The following PKHD1 variants were observed in gnomAD, a reference collection of about 807,000 sequenced individuals.
PKHD1 encodes the protein fibrocystin.
A neutral mutation model predicts 412.0 loss-of-function variants in PKHD1; 291 were observed. The observed-to-expected ratio is 0.71, with a 90% CI of 0.64 to 0.78. The LOEUF (loss-of-function observed/expected upper bound fraction) is 0.78, where lower values mean the gene tolerates loss of function less well. Ranked by LOEUF, PKHD1 falls within the 30% of genes least tolerant of loss-of-function variation. The probability of loss-of-function intolerance (pLI) is 0.00; values close to 1 mark genes in which losing one functional copy is unlikely to be tolerated. For synonymous variants in PKHD1, 1,777 were observed against 1,821.5 expected (o/e 0.98, Z 0.62); for missense variants, 4,825 against 4,950.7 (o/e 0.97, Z 0.76).
At chr6:52,038,650 T>G (rs1393626720) in intron 27 of PKHD1, among the ~76,000 whole-genome samples, 1 of 152,132 alleles carries the variant, frequency 6.6e-6, no homozygotes, top group Admixed American at 6.5e-5. Context: ...TTTTGTTGTT[T>G]AAAACACTCA....
chr6:51,836,610 T>C, intron 50 of PKHD1, 141 bp from the exon 51 acceptor site: 1 of 679,350 alleles, frequency 1.5e-6, no homozygotes, highest in Non-Finnish European at 2.7e-6. Flanking sequence ...CCTTGTTAGT[T>C]AATCTAACAA....
At position 52,053,208 on chromosome 6, in the gene PKHD1, A is replaced by G. The variant is rs1437491526; in HGVS notation, c.2008T>C (p.Cys670Arg). Reference sequence around the variant, plus strand: ...GGAGGGGGCTGGAGATCCCCGAAGCAACGCACACAAGTCTCCCAGAGGTCA... The same window carrying G: ...GGAGGGGGCTGGAGATCCCCGAAGCGACGCACACAAGTCTCCCAGAGGTCA... ...CTDLWETCVR[C>R]FGDLQPPPAN... The change falls in exon 21 of 67, where the codon TGC becomes CGC. Residue 670 changes from cysteine (C) to arginine (R), a missense_variant. Physicochemically the swap from Cys to Arg is radical, Grantham distance 180. Transcript: ENST00000371117. 1 of 1,614,114 alleles carries G rather than the reference A, an allele frequency of 6.2e-7. No individual in the cohort carries two copies. The highest frequency in any genetic ancestry group is 8.5e-7 in the Non-Finnish European group (1 of 1,180,038).
chr6:51,753,144 T>C (rs1786375836), intron 57 of PKHD1, 57 bp downstream of exon 57: 5 of 1,419,970 alleles, frequency 3.5e-6, no homozygotes, highest in Non-Finnish European at 5.0e-6. Context: ...GATTTCTGGG[T>C]GTCCCAGATG....
chr6:51,787,620 T>A (rs1326560), intron 53 of PKHD1, among the ~76,000 whole-genome samples: 89,098 of 151,958 alleles, frequency 0.59, 26,886 homozygotes, highest in East Asian at 0.83. Flanking sequence ...TCCAATAACC[T>A]ACCTTTAGGC....
At chr6:52,043,185 A>G (rs773710690) in intron 26 of PKHD1, 51 bp from the exon 27 acceptor site, 7 of 1,432,570 alleles carry the variant, frequency 4.9e-6, no homozygotes. Flanking sequence ...TCTCAGTGAT[A>G]TTACTTCATT....
chr6:51,888,883 C>T (rs552260251), intron 43 of PKHD1, among the ~76,000 whole-genome samples: 2 of 150,898 alleles, frequency 1.3e-5, no homozygotes, highest in South Asian at 4.4e-4. Flanking sequence ...CCCTATCAGG[C>T]TGCTGCACTG....
At chr6:51,819,153 C>T (rs1351820696) in intron 52 of PKHD1, among the ~76,000 whole-genome samples, 3 of 152,118 alleles carry the variant, frequency 2.0e-5, no homozygotes, top group Admixed American at 2.0e-4. Flanking sequence ...CCTGAATCCT[C>T]AGCATGATAA....
chr6:51,666,648 C>A (rs1385783981), intron 60 of PKHD1, among the ~76,000 whole-genome samples: 1 of 150,862 alleles, frequency 6.6e-6, no homozygotes, highest in Non-Finnish European at 1.5e-5. Flanking sequence ...CACCCACTAA[C>A]TCGTCATCTA....
In PKHD1 at chr6:52,058,411, T is replaced by C. The variant is rs1375148270; in HGVS notation, c.1424A>G (p.Asn475Ser). 3 of 1,614,048 alleles carry C rather than the reference T, an allele frequency of 1.9e-6. No homozygotes were observed. The highest frequency in any genetic ancestry group is 2.5e-6 in the Non-Finnish European group (3 of 1,180,014). Residue 475 changes from asparagine to serine, a missense_variant, in exon 16 of 67, where the codon AAC becomes AGC. Physicochemically the swap from Asn to Ser is conservative, Grantham distance 46. Coordinates refer to ENST00000371117, the MANE Select transcript of PKHD1 (RefSeq NM_138694.4). The stretch of plus-strand genomic sequence containing the variant: ...GACCACATCAGGATTCAGCCAGGTG[T>C]TGTGAATCTGGACACCAATCCTCAT... ...RGMRIGVQIH[N>S]TWLNPDVVTT...
intron 65 of PKHD1, among the ~76,000 whole-genome samples, chr6:51,629,682 G>A (rs147551683): frequency 2.0e-4 from 30 of 152,208 alleles, no homozygotes; most frequent in African/African-American, 7.0e-4. Flanking sequence ...AAATTCATAT[G>A]TGATTTTCCC....
chr6:51,811,147 GA>G (rs1764622821), intron 52 of PKHD1, among the ~76,000 whole-genome samples: 1 of 152,084 alleles, frequency 6.6e-6, no homozygotes, highest in Non-Finnish European at 1.5e-5. Context: ...GGTTCTGAAA[GA>G]GTTTATAATA....
In PKHD1 at chr6:51,934,306, G is replaced by A. The variant is rs1042180147; in HGVS notation, c.5925C>T (p.Phe1975=). ...TGAGCTCGATGGGTCCTGGGGCCAT[G>A]AAAATCAGCTTGCCCCCTAATGGAC... ...LLHIKGGKLI[F]MAPGPIELRA... The change falls in exon 37 of 67, where the codon TTC becomes TTT. Residue 1975 remains phenylalanine (F), a synonymous_variant. Transcript: ENST00000371117. 6.2e-7 allele frequency: 1 copy of A among 1,611,734 alleles called. No individual in the cohort carries two copies. Among genetic ancestry groups the A allele is most frequent in the Non-Finnish European group, 8.5e-7 (1 of 1,179,216 alleles).
In PKHD1 at chr6:52,058,438, C is replaced by A. The variant is rs750730042; in HGVS notation, c.1397G>T (p.Gly466Val). The A allele has an allele frequency of 6.2e-7, 1 of 1,614,046 alleles. No homozygotes were observed. Among genetic ancestry groups the A allele is most frequent in the Admixed American group, 1.7e-5 (1 of 60,006 alleles). ...AEHHGIAPSR[G>V]MRIGVQIHNT... is the part of the protein sequence containing the mutation. ...GTGAATCTGGACACCAATCCTCATC[C>A]CCCTGCTTGGGGCTATCCCATGATG... Residue 466 changes from glycine (G) to valine (V), a missense_variant, in exon 16 of 67, where the codon GGG becomes GTG. Coordinates refer to ENST00000371117, the MANE Select transcript of PKHD1 (RefSeq NM_138694.4).
At chr6:52,054,269 T>C in intron 19 of PKHD1, 104 bp from the exon 20 acceptor site, 1 of 1,094,126 alleles carries the variant, frequency 9.1e-7, no homozygotes, top group South Asian at 1.3e-5. Flanking sequence ...CCATAGGCTC[T>C]GAGAGAGTCA....
At chr6:51,734,902 T>C (rs1351002808) in intron 60 of PKHD1, among the ~76,000 whole-genome samples, 1 of 152,200 alleles carries the variant, frequency 6.6e-6, no homozygotes, top group Non-Finnish European at 1.5e-5. Context: ...ACACTACACC[T>C]TTTTAATATA....
At chr6:52,037,546 T>C (rs1804148299) in intron 27 of PKHD1, among the ~76,000 whole-genome samples, 1 of 152,110 alleles carries the variant, frequency 6.6e-6, no homozygotes, top group African/African-American at 2.4e-5. Flanking sequence ...GACATTTCAC[T>C]GAAAAGGAAA....
rs1374460378 is a variant in PKHD1, at chr6:51,897,602, C to A, written c.6996+5995G>T. On this transcript the variant is annotated intron_variant, in intron 43 of 66. Transcript: ENST00000371117. ...CATTGAGACTAGGAAGAAACTGCAT[C>A]AACTAACGAGCAAAATCACCAGCTA... is the stretch of plus-strand genomic sequence containing the variant. Among the ~76,000 whole-genome samples, 17 of 145,196 alleles carry A rather than the reference C, an allele frequency of 1.2e-4. No homozygotes were observed. In the East Asian group the frequency reaches 3.1e-3, roughly 27 times the overall value.
intron 34 of PKHD1, 121 bp downstream of exon 34, chr6:52,017,289 A>C: frequency 1.3e-6 from 1 of 768,140 alleles, no homozygotes. Context: ...CCTCCAAGAG[A>C]GTTGTAGCCC....
intron 57 of PKHD1, among the ~76,000 whole-genome samples, chr6:51,752,648 G>A (rs557026604): frequency 2.6e-5 from 4 of 152,244 alleles, no homozygotes; most frequent in African/African-American, 9.6e-5. Flanking sequence ...ATTTGATCAG[G>A]AAAGAACTTT....
Sources: gnomAD v4.1 joint callset for allele counts (sites outside exome capture counted in the v4.1 genomes callset) on GRCh38, gnomAD v4.1.1 for gene constraint, MANE v1.5 for transcripts, NCBI Gene and HGNC (gene_info 2026-07-23, HGNC 2026-07-21) for gene names.